Variants in FMN2 observed in about 807,000 individuals in gnomAD.
FMN2 encodes formin-2.
FMN2 carries 51 observed loss-of-function variants against 142.3 expected under a neutral mutation model. That is an observed-to-expected ratio of 0.36 (90% CI 0.29 to 0.45). FMN2 has a LOEUF of 0.45. Ranked by LOEUF, FMN2 falls within the 20% of genes least tolerant of loss-of-function variation. The pLI is 1.00. For missense variants in FMN2, 1,936 were observed against 2,122.8 expected (o/e 0.91, Z 1.73); for synonymous variants, 882 against 869.8 (o/e 1.01, Z -0.25).
intron 16 of FMN2, among the ~76,000 whole-genome samples, chr1:240,450,597 G>T (rs1420433278): frequency 1.3e-5 from 2 of 152,110 alleles, no homozygotes; most frequent in African/African-American, 4.8e-5. Flanking sequence ...TATAGAGGTC[G>T]CTCCCTTCCT....
At chr1:240,390,552 A>G (rs544026209) in intron 14 of FMN2, among the ~76,000 whole-genome samples, 61 of 152,358 alleles carry the variant, frequency 4.0e-4, no homozygotes, top group Admixed American at 1.5e-3. Context: ...TTTATTGAAT[A>G]TAACATTGGA....
intron 6 of FMN2, among the ~76,000 whole-genome samples, chr1:240,251,708 C>A (rs545552565): frequency 6.6e-6 from 1 of 152,236 alleles, no homozygotes; most frequent in South Asian, 2.1e-4. Flanking sequence ...GTCTGTCTCT[C>A]CCTTTAGATC....
intron 1 of FMN2, among the ~76,000 whole-genome samples, chr1:240,098,907 C>G (rs1282324808): frequency 2.0e-5 from 3 of 152,128 alleles, no homozygotes; most frequent in African/African-American, 7.2e-5. Context: ...GCTTTTCCTT[C>G]TGATTCTTCT....
intron 7 of FMN2, among the ~76,000 whole-genome samples, chr1:240,271,098 G>GTTTTTTTTTTTTTTTTTTT (rs56686860): frequency 0.011 from 759 of 72,102 alleles, 86 homozygotes; most frequent in Middle Eastern, 0.022. Flanking sequence ...TTCCACGATG[G>GTTTTTTTTTTTTTTTTTTT]TTTTTTTTTT....
chr1:240,112,519 G>A (rs1347530025), intron 1 of FMN2, among the ~76,000 whole-genome samples: 1 of 152,168 alleles, frequency 6.6e-6, no homozygotes. Flanking sequence ...TTTTATTTGG[G>A]TGGAGGGAGG....
At chr1:240,387,596 T>C (rs1294404872) in intron 14 of FMN2, among the ~76,000 whole-genome samples, 1 of 152,222 alleles carries the variant, frequency 6.6e-6, no homozygotes, top group African/African-American at 2.4e-5. Context: ...ATCTATTAAA[T>C]ATATTTTAAA....
rs151019435 is a variant in FMN2 at position 240,357,628 on chromosome 1, A to C, written c.4858+1720A>C. 1.3e-3 allele frequency among the ~76,000 whole-genome samples: 148 copies of C among 111,510 alleles called. 1 individual carries two copies. In the Middle Eastern group the frequency reaches 0.016, roughly 12 times the overall value. The allele number at this position is 111,510 out of a possible 152,430, so 73.2% of individuals were successfully genotyped here. ...CTTACGGGTTTTTTTTTTTTTTTTG[A>C]GACGGAGTCTCGCACTGTTACCGGG... On this transcript the variant is annotated intron_variant, in intron 14 of 17. Coordinates refer to ENST00000319653, the MANE Select transcript of FMN2 (RefSeq NM_020066.5).
chr1:240,318,168 C>T (rs570711917), intron 8 of FMN2, among the ~76,000 whole-genome samples: 15 of 152,274 alleles, frequency 9.9e-5, no homozygotes, highest in African/African-American at 3.6e-4. Context: ...ACTGGGCCCC[C>T]AGATACCAGG....
chr1:240,177,736 T>C (rs932224310), intron 2 of FMN2, 185 bp from the exon 3 acceptor site: 10 of 420,964 alleles, frequency 2.4e-5, no homozygotes, highest in Non-Finnish European at 3.9e-5. Flanking sequence ...ATAAAATGAC[T>C]GCGTGAAAAA....
chr1:240,381,897 C>T (rs1673237699), intron 14 of FMN2, among the ~76,000 whole-genome samples: 1 of 152,180 alleles, frequency 6.6e-6, no homozygotes, highest in African/African-American at 2.4e-5. Context: ...AAAGCATTTT[C>T]CCTGAGAACT....
At chr1:240,457,330 C>T (rs767009729) in intron 16 of FMN2, among the ~76,000 whole-genome samples, 6 of 152,160 alleles carry the variant, frequency 3.9e-5, no homozygotes, top group South Asian at 2.1e-4. Flanking sequence ...AATCGTTCCC[C>T]GTACTGCCAC....
At chr1:240,336,652 T>A (rs549620910) in intron 13 of FMN2, among the ~76,000 whole-genome samples, 4 of 151,512 alleles carry the variant, frequency 2.6e-5, no homozygotes, top group East Asian at 3.9e-4. Context: ...TGTTCTGTAG[T>A]CACTGAAACA....
At chr1:240,445,976 A>T (rs978992482) in intron 16 of FMN2, among the ~76,000 whole-genome samples, 2 of 152,180 alleles carry the variant, frequency 1.3e-5, no homozygotes, top group African/African-American at 2.4e-5. Flanking sequence ...AGTTTTTGGA[A>T]TCAGAAAATT....
chr1:240,196,997 C>T (rs1297664848), intron 4 of FMN2, among the ~76,000 whole-genome samples: 8 of 152,226 alleles, frequency 5.3e-5, no homozygotes, highest in South Asian at 2.1e-4. Flanking sequence ...TTGGAATCTT[C>T]GAAGAGGTTA....
At chr1:240,392,387 T>G in intron 14 of FMN2, 124 bp from the exon 15 acceptor site, 2 of 600,690 alleles carry the variant, frequency 3.3e-6, no homozygotes, top group South Asian at 3.4e-5. Flanking sequence ...TGAAATAAGC[T>G]TCTGGTTGTA....
chr1:240,449,532 A>T (rs1675933291), intron 16 of FMN2, among the ~76,000 whole-genome samples: 1 of 152,206 alleles, frequency 6.6e-6, no homozygotes, highest in Admixed American at 6.5e-5. Flanking sequence ...CCCAGTGAAG[A>T]TTAACCATGC....
intron 8 of FMN2, among the ~76,000 whole-genome samples, chr1:240,305,177 G>A (rs1274982810): frequency 1.3e-5 from 2 of 152,146 alleles, no homozygotes; most frequent in Admixed American, 1.3e-4. Flanking sequence ...TCTGTTGATT[G>A]TATTTTCCTT....
chr1:240,471,322 G>A (rs1268371323), intron 16 of FMN2, among the ~76,000 whole-genome samples: 2 of 151,798 alleles, frequency 1.3e-5, no homozygotes, highest in African/African-American at 4.8e-5. Flanking sequence ...GGTATAGGAA[G>A]TTAATCTGAA....
chr1:240,243,191 A>G (rs1667970842), intron 6 of FMN2, among the ~76,000 whole-genome samples: 1 of 152,252 alleles, frequency 6.6e-6, no homozygotes, highest in African/African-American at 2.4e-5. Flanking sequence ...ATCTCATGCA[A>G]GCATTCTTCA....
Sources: gnomAD v4.1 joint callset for allele counts (sites outside exome capture counted in the v4.1 genomes callset) on GRCh38, gnomAD v4.1.1 for gene constraint, MANE v1.5 for transcripts, NCBI Gene and HGNC (gene_info 2026-07-23, HGNC 2026-07-21) for gene names.